The following CYP2C8 variants were observed in gnomAD, a reference collection of about 807,000 sequenced individuals.
CYP2C8 encodes cytochrome P450 family 2 subfamily C member 8.
CYP2C8 carries 51 observed loss-of-function variants against 41.3 expected under a neutral mutation model. The observed-to-expected ratio is 1.24, with a 90% CI of 0.99 to 1.56. The LOEUF (loss-of-function observed/expected upper bound fraction) is 1.56. CYP2C8 is among the 40% of genes most tolerant of loss of function. CYP2C8 has a pLI of 0.00. For synonymous variants in CYP2C8, 218 were observed against 205.8 expected, an observed-to-expected ratio of 1.06 and a Z score of -0.51; for missense variants, 651 against 579.9, an observed-to-expected ratio of 1.12 and a Z score of -1.26.
intron 7 of CYP2C8, chr10:95,039,349 A>G: frequency 2.8e-6 from 1 of 359,174 alleles, no homozygotes; most frequent in Non-Finnish European, 5.3e-6. Context: ...AATTTGACAC[A>G]TCTTGTATTT....
intron 5 of CYP2C8, among the ~76,000 whole-genome samples, chr10:95,053,515 C>T (rs996323288): frequency 2.0e-5 from 3 of 152,136 alleles, no homozygotes; most frequent in Non-Finnish European, 4.4e-5. Context: ...TGGAACCAAC[C>T]CAAATGCCCA....
intron 5 of CYP2C8, among the ~76,000 whole-genome samples, chr10:95,046,569 C>T (rs1589438824): frequency 6.6e-6 from 1 of 152,230 alleles, no homozygotes; most frequent in East Asian, 1.9e-4. Flanking sequence ...AACACTGTTG[C>T]ATTGGGCATT....
At chr10:95,048,781 T>G (rs1034700576) in intron 5 of CYP2C8, among the ~76,000 whole-genome samples, 1 of 152,152 alleles carries the variant, frequency 6.6e-6, no homozygotes, top group Non-Finnish European at 1.5e-5. Flanking sequence ...TGTAGAAGAA[T>G]GAAATATGAT....
rs1450934111 is a variant in CYP2C8, at chr10:95,052,455, C to T, written c.819+5880G>A. On this transcript the variant is annotated intron_variant, in intron 5 of 8. Coordinates refer to ENST00000371270, the MANE Select transcript of CYP2C8 (RefSeq NM_000770.3). ...ATACTTCCAAATTAATTCTATAAGG[C>T]CAGTATTACTCTGATAACAAAACCA... Among the ~76,000 whole-genome samples the T allele has an allele frequency of 2.0e-5, 3 of 151,642 alleles. No individual in the cohort carries two copies. The East Asian group carries it at 5.8e-4, about 29-fold the overall frequency.
In CYP2C8 at chr10:95,048,075, G is replaced by T. The variant is rs187120898; in HGVS notation, c.820-2124C>A. On this transcript the variant is annotated intron_variant, in intron 5 of 8. Transcript: ENST00000371270. ...TTCCATGGATTACTAAGTCTCTCAG[G>T]GTTTCACCTCTGCCAGCTTCTTTTT... Among the ~76,000 whole-genome samples, 12 of 152,116 alleles carry T rather than the reference G, an allele frequency of 7.9e-5. No individual in the cohort carries two copies. The East Asian group carries it at 2.1e-3, about 27-fold the overall frequency.
intron 5 of CYP2C8, among the ~76,000 whole-genome samples, chr10:95,055,229 T>C (rs11572125): frequency 6.6e-6 from 1 of 151,990 alleles, no homozygotes; most frequent in Non-Finnish European, 1.5e-5. Context: ...CAAAACAGCA[T>C]GGTACTGGCA....
At chr10:95,040,887 A>G (rs1443042171) in intron 7 of CYP2C8, 1 of 456,240 alleles carries the variant, frequency 2.2e-6, no homozygotes, top group Non-Finnish European at 4.4e-6. Context: ...AGGGAAAGCA[A>G]TAAAAACAGA....
At chr10:95,065,958 G>T (rs546822795) in intron 3 of CYP2C8, among the ~76,000 whole-genome samples, 38 of 152,100 alleles carry the variant, frequency 2.5e-4, no homozygotes, top group Non-Finnish European at 8.8e-5. Flanking sequence ...AGAGTGACAC[G>T]AAATGAAAGG....
chr10:95,066,139 A>AGT (rs1407448310), intron 3 of CYP2C8, among the ~76,000 whole-genome samples: 1 of 109,842 alleles, frequency 9.1e-6, no homozygotes, highest in African/African-American at 3.9e-5. Context: ...AGAGAGAGAG[A>AGT]GAGAGAGAGA....
intron 3 of CYP2C8, among the ~76,000 whole-genome samples, chr10:95,066,189 T>TGTGTGTGTG (rs2033564077): frequency 7.2e-5 from 10 of 138,896 alleles, no homozygotes; most frequent in Admixed American, 1.4e-4. Flanking sequence ...TGTGTGTGTG[T>TGTGTGTGTG]TTCTCAGGTA....
intron 4 of CYP2C8, among the ~76,000 whole-genome samples, chr10:95,062,915 T>A (rs559745698): frequency 6.6e-5 from 10 of 152,182 alleles, no homozygotes; most frequent in Non-Finnish European, 1.5e-4. Context: ...TTTGGCTGGA[T>A]ATGAAATTCT....
intron 7 of CYP2C8, chr10:95,039,349 A>T (rs1483495556): frequency 2.8e-6 from 1 of 359,054 alleles, no homozygotes; most frequent in East Asian, 6.4e-5. Context: ...AATTTGACAC[A>T]TCTTGTATTT....
At position 95,069,390 on chromosome 10, in the gene CYP2C8, C is replaced by T; in HGVS notation, c.13G>A (p.Val5Met). 6.2e-7 allele frequency: 1 copy of T among 1,614,146 alleles called. No individual in the cohort carries two copies. Among genetic ancestry groups the T allele is most frequent in the Non-Finnish European group, 8.5e-7 (1 of 1,180,024 alleles). ...AAAGAGAGACACAGCACCAGGACCA[C>T]AAAAGGTTCCATTGAAGCCTTCTCT... MEPF[V>M]VLVLCLSFML... The change falls in exon 1 of 9, where the codon GTG (valine) becomes ATG (methionine). Residue 5 changes from valine to methionine, a missense_variant. Val to Met is a conservative substitution (Grantham distance 21, BLOSUM62 1). Transcript: ENST00000371270.
At chr10:95,040,847 T>C in intron 7 of CYP2C8, 1 of 454,846 alleles carries the variant, frequency 2.2e-6, no homozygotes, top group Non-Finnish European at 4.4e-6. Flanking sequence ...AGGATACAAC[T>C]AAGCAGTCAC....
intron 7 of CYP2C8, among the ~76,000 whole-genome samples, chr10:95,041,314 G>A (rs2032991717): frequency 6.6e-6 from 1 of 152,186 alleles, no homozygotes; most frequent in Non-Finnish European, 1.5e-5. Context: ...TAATTGGGCT[G>A]CAGATGACAC....
At chr10:95,059,439 C>CTT (rs199949838) in intron 4 of CYP2C8, among the ~76,000 whole-genome samples, 103,877 of 151,356 alleles carry the variant, frequency 0.69, 36,338 homozygotes, top group Middle Eastern at 0.84. Context: ...GCATAAATGT[C>CTT]CTTTTGAGAA....
chr10:95,055,652 G>T (rs991796198), intron 5 of CYP2C8, among the ~76,000 whole-genome samples: 1 of 152,132 alleles, frequency 6.6e-6, no homozygotes, highest in African/African-American at 2.4e-5. Flanking sequence ...GTTCATCAAA[G>T]GACAAAATTA....
At chr10:95,042,477 C>G (rs1195795140) in intron 7 of CYP2C8, among the ~76,000 whole-genome samples, 1 of 152,028 alleles carries the variant, frequency 6.6e-6, no homozygotes, top group Non-Finnish European at 1.5e-5. Context: ...GAGTTGTAAA[C>G]CACTGCACTG....
Position 95,042,959 on chromosome 10 carries a change from G to A in CYP2C8, c.1080C>T (p.Asp360=). The change falls in exon 7 of 9, where the codon GAC becomes GAT. Residue 360 remains aspartate, a synonymous_variant. Transcript: ENST00000371270. The part of the protein sequence containing the change: ...AVVHEIQRYS[D]LVPTGVPHAV... ...CATGGGGCACACCGGTGGGGACAAGGTCACTGTATCTCTGGATCTCGTGCA... is the reference window on the plus strand; with the variant it reads ...CATGGGGCACACCGGTGGGGACAAGATCACTGTATCTCTGGATCTCGTGCA... 6.2e-7 allele frequency: 1 copy of A among 1,614,194 alleles called. No homozygotes were observed. The highest frequency in any genetic ancestry group is 8.5e-7 in the Non-Finnish European group (1 of 1,180,000).
Sources: allele counts gnomAD v4.1 joint callset (sites outside exome capture counted in the v4.1 genomes callset), GRCh38; gene constraint gnomAD v4.1.1; transcripts MANE v1.5; gene names NCBI Gene and HGNC (gene_info 2026-07-23, HGNC 2026-07-21).